Variants in ACP6 observed in about 807,000 individuals in gnomAD.
ACP6 encodes acid phosphatase 6, lysophosphatidic.
Under a neutral mutation model 48.1 loss-of-function variants are expected in ACP6, and 48 were observed. That is an observed-to-expected ratio of 1.00 (90% CI 0.79 to 1.27). The LOEUF (loss-of-function observed/expected upper bound fraction) is 1.27, where lower values mean the gene tolerates loss of function less well. Ranked by LOEUF, ACP6 falls within the 50% of genes most tolerant of loss-of-function variation. The pLI is 0.00. For synonymous variants in ACP6, 172 were observed against 204.2 expected (o/e 0.84, Z 1.34); for missense variants, 485 against 529.1 (o/e 0.92, Z 0.82).
At chr1:147,669,734 G>A (rs1660985708) in intron 1 of ACP6, 96 bp downstream of exon 1, 1 of 1,307,992 alleles carries the variant, frequency 7.6e-7, no homozygotes, top group Admixed American at 2.6e-5. Flanking sequence ...GCCCCGCTCC[G>A]CGCGAGTAAA....
chr1:147,635,156 T>C (rs1553207839), intron 5 of ACP6, among the ~76,000 whole-genome samples: 1 of 152,236 alleles, frequency 6.6e-6, no homozygotes, highest in Non-Finnish European at 1.5e-5. Flanking sequence ...TCTTTGAGAC[T>C]AGAAATCTGA....
At position 147,652,984 on chromosome 1, in the gene ACP6, G is replaced by A. The variant is rs1422903629; in HGVS notation, c.781-435C>T. Among the ~76,000 whole-genome samples, 5 of 152,118 alleles carry A rather than the reference G, an allele frequency of 3.3e-5. No individual in the cohort carries two copies. In the East Asian group the frequency reaches 7.7e-4, roughly 23 times the overall value. On this transcript the variant is annotated intron_variant, in intron 6 of 9. Transcript: ENST00000583509. ...TGGGACTACAGGTGCCCGCCACCAC[G>A]CCCGGCTAATTTTTTTGTATTTTTA... is the stretch of plus-strand genomic sequence containing the variant.
chr1:147,636,927 A>G (rs1659316989), intron 5 of ACP6, among the ~76,000 whole-genome samples: 1 of 152,180 alleles, frequency 6.6e-6, no homozygotes, highest in Non-Finnish European at 1.5e-5. Flanking sequence ...AGAAAGAAGC[A>G]CCACAGTGGA....
chr1:147,632,088 G>A (rs1166922523), intron 5 of ACP6, among the ~76,000 whole-genome samples: 4 of 151,732 alleles, frequency 2.6e-5, no homozygotes, highest in Non-Finnish European at 5.9e-5. Context: ...CTTGACTCCA[G>A]GCTTTCCCAA....
chr1:147,641,361 G>A (rs770455089), downstream of ACP6, among the ~76,000 whole-genome samples: 80 of 152,326 alleles, frequency 5.3e-4, no homozygotes, highest in Non-Finnish European at 9.7e-4. Context: ...GGAACTAACT[G>A]TTACAGGGGA....
At chr1:147,638,772 TCAAAGGA>T (rs1435414588), downstream of ACP6, among the ~76,000 whole-genome samples, 1 of 152,226 alleles carries the variant, frequency 6.6e-6, no homozygotes, top group Admixed American at 6.5e-5. Flanking sequence ...CCATACATGA[TCAAAGGA>T]CATTCCCTTT....
At chr1:147,669,411 A>T (rs1364576382) in intron 1 of ACP6, among the ~76,000 whole-genome samples, 2 of 152,230 alleles carry the variant, frequency 1.3e-5, no homozygotes, top group African/African-American at 4.8e-5. Flanking sequence ...AAGTCCCTTC[A>T]GCCCTTCAGC....
chr1:147,665,453 C>T (rs963974437), intron 1 of ACP6, among the ~76,000 whole-genome samples: 1 of 152,154 alleles, frequency 6.6e-6, no homozygotes, highest in Admixed American at 6.5e-5. Flanking sequence ...GATTTTTGAG[C>T]CTTGTAATGG....
At chr1:147,650,263 G>C (rs782670059) in intron 7 of ACP6, 25 bp from the exon 8 acceptor site, 2 of 1,544,668 alleles carry the variant, frequency 1.3e-6, no homozygotes, top group African/African-American at 1.4e-5. Flanking sequence ...CAACATTTAA[G>C]CACCTAGAGG....
chr1:147,640,429 G>A (rs1405997506), downstream of ACP6, among the ~76,000 whole-genome samples: 8 of 152,104 alleles, frequency 5.3e-5, no homozygotes, highest in African/African-American at 9.7e-5. Flanking sequence ...GGAATGCTCC[G>A]GAGGAGCCAC....
intron 5 of ACP6, among the ~76,000 whole-genome samples, chr1:147,633,460 A>G (rs587771869): frequency 6.6e-6 from 1 of 150,766 alleles, no homozygotes; most frequent in Non-Finnish European, 1.5e-5. Flanking sequence ...CAGTGAGACT[A>G]TTACTTTCTT....
chr1:147,639,485 A>T (rs587643691), downstream of ACP6, among the ~76,000 whole-genome samples: 192 of 152,102 alleles, frequency 1.3e-3, no homozygotes, highest in African/African-American at 4.5e-3. Context: ...TGCTGGTTTG[A>T]CCCCATCAAG....
At chr1:147,649,481 T>C (rs1379951726) in intron 8 of ACP6, among the ~76,000 whole-genome samples, 1 of 151,500 alleles carries the variant, frequency 6.6e-6, no homozygotes, top group East Asian at 1.9e-4. Context: ...AGCCTGGCTC[T>C]GTCACCAGGC....
At chr1:147,632,663 G>T (rs1659201851) in intron 5 of ACP6, among the ~76,000 whole-genome samples, 1 of 152,274 alleles carries the variant, frequency 6.6e-6, no homozygotes, top group Non-Finnish European at 1.5e-5. Context: ...GCCAAGAAAA[G>T]GAATTTCATC....
intron 5 of ACP6, among the ~76,000 whole-genome samples, chr1:147,635,715 A>G (rs889975100): frequency 3.5e-4 from 54 of 152,368 alleles, no homozygotes; most frequent in African/African-American, 1.2e-3. Flanking sequence ...GAATTCCTCC[A>G]CATGGAGATG....
intron 5 of ACP6, among the ~76,000 whole-genome samples, chr1:147,633,151 G>C (rs890547119): frequency 5.3e-5 from 8 of 152,120 alleles, no homozygotes; most frequent in Admixed American, 1.3e-4. Flanking sequence ...AATGAATCAG[G>C]CTTCTTTTAG....
At chr1:147,659,115 G>T in intron 3 of ACP6, 76 bp from the exon 4 acceptor site, 2 of 1,327,136 alleles carry the variant, frequency 1.5e-6, no homozygotes, top group East Asian at 4.9e-5. Flanking sequence ...TTCCACATAC[G>T]CTCCAGGGGT....
rs115181279 is a variant in ACP6, at chr1:147,649,246, G to A, written c.978-835C>T. ...AAATTCAGGTGACTATCAATCACCT[G>A]GGGATCTTGTTAAACTGCAGATGCT... On this transcript the variant is annotated intron_variant, in intron 8 of 9. Transcript: ENST00000583509. 4.7e-3 allele frequency among the ~76,000 whole-genome samples: 712 copies of A among 152,276 alleles called. 8 individuals carry two copies. The highest frequency in any genetic ancestry group is 0.016 in the African/African-American group (682 of 41,548).
chr1:147,630,235 C>T (rs1284045013), exon 6 of ACP6: 2 of 152,190 alleles, frequency 1.3e-5, no homozygotes, highest in African/African-American at 2.4e-5. Flanking sequence ...TTTCTCATAC[C>T]TCAGCACCTG....
Sources: gnomAD v4.1 joint callset for allele counts (sites outside exome capture counted in the v4.1 genomes callset) on GRCh38, gnomAD v4.1.1 for gene constraint, MANE v1.5 for transcripts, NCBI Gene and HGNC (gene_info 2026-07-23, HGNC 2026-07-21) for gene names.